The following FASN variants were observed in gnomAD, a reference collection of about 807,000 sequenced individuals.
FASN encodes the protein fatty acid synthase.
In FASN, 50 loss-of-function variants were observed where a neutral mutation model predicts 250.0. That is an observed-to-expected ratio of 0.20 (90% CI 0.16 to 0.25). FASN has a LOEUF of 0.25. Ranked by LOEUF, FASN falls within the 10% of genes least tolerant of loss-of-function variation. FASN has a pLI of 1.00. For synonymous variants in FASN, 1,909 were observed against 1,584.0 expected, an observed-to-expected ratio of 1.21 and a Z score of -4.87; for missense variants, 3,031 against 3,498.5, an observed-to-expected ratio of 0.87 and a Z score of 3.37.
intron 1 of FASN, chr17:82,096,707 T>C (rs970056260): frequency 1.3e-5 from 7 of 537,576 alleles, no homozygotes; most frequent in Non-Finnish European, 2.0e-5. Flanking sequence ...GGGTATTGGC[T>C]GGGGTACCCC....
intron 13 of FASN, 29 bp downstream of exon 13, chr17:82,089,221 C>A: frequency 6.2e-7 from 1 of 1,610,666 alleles, no homozygotes; most frequent in Non-Finnish European, 8.5e-7. Flanking sequence ...CCTGGCCCGC[C>A]CCGCACCCCC....
chr17:82,090,328 G>A, intron 11 of FASN, 47 bp downstream of exon 11: 3 of 1,534,692 alleles, frequency 2.0e-6, no homozygotes, highest in Non-Finnish European at 2.6e-6. Flanking sequence ...CAGCGAGAAG[G>A]CAGCCTCCTT....
Position 82,088,197 on chromosome 17 carries a change from C to T in FASN, c.2704G>A (p.Ala902Thr), listed in dbSNP as rs376556250. The change falls in exon 17 of 43, where the codon GCC becomes ACC. Residue 902 changes from alanine (A) to threonine (T), a missense_variant. By Grantham distance (58) the Ala-to-Thr change is moderately conservative. Coordinates refer to ENST00000306749, the MANE Select transcript of FASN (RefSeq NM_004104.5). Reference sequence around the variant, plus strand: ...AGCTGCTCGACGCCCAGGCCCAGGGCGCGGGCCAGCGTCTTCCACACTATG... The same window carrying T: ...AGCTGCTCGACGCCCAGGCCCAGGGTGCGGGCCAGCGTCTTCCACACTATG... Reference protein sequence around the residue: ...LSIVWKTLARALGLGVEQLPV... With the variant: ...LSIVWKTLARTLGLGVEQLPV... The T allele has an allele frequency of 8.7e-6, 14 of 1,612,084 alleles. No individual in the cohort carries two copies. The highest frequency in any genetic ancestry group is 5.5e-5 in the South Asian group (5 of 91,092).
rs184659321 is a variant in FASN at position 82,082,289 on chromosome 17, G to T, written c.6011+34C>A. 1.4e-4 allele frequency: 224 copies of T among 1,609,856 alleles called. No individual in the cohort carries two copies. The African/African-American group carries it at 2.8e-3, about 20-fold the overall frequency. On this transcript the variant is annotated intron_variant, in intron 35 of 42. Coordinates refer to ENST00000306749, the MANE Select transcript of FASN (RefSeq NM_004104.5). ...TCCCACGGCCCTGAGCCCAGAGCCCGGCAGAGGCGGGAGCAGGGCTGTGCG... is the reference window on the plus strand; with the variant it reads ...TCCCACGGCCCTGAGCCCAGAGCCCTGCAGAGGCGGGAGCAGGGCTGTGCG...
chr17:82,097,330 C>G (rs62078747), intron 1 of FASN: 75,998 of 152,474 alleles, frequency 0.5, 19,645 homozygotes, highest in Non-Finnish European at 0.55. Flanking sequence ...GCCGCCGGCT[C>G]CTCCTCCAGC....
At position 82,079,383 on chromosome 17, in the gene FASN, G is replaced by A. The variant is rs375749582; in HGVS notation, c.7372C>T (p.Leu2458=). The change falls in exon 42 of 43, where the codon CTG becomes TTG. Residue 2458 remains leucine, a synonymous_variant. Coordinates refer to ENST00000306749, the MANE Select transcript of FASN (RefSeq NM_004104.5). ...AKTGGAYGED[L]GADYNLSQVC... ...TGGGAGAGGTTGTAGTCCGCGCCCAGGTCCTCGCCGTAGGCGCCACCCGTC... is the reference window on the plus strand; with the variant it reads ...TGGGAGAGGTTGTAGTCCGCGCCCAAGTCCTCGCCGTAGGCGCCACCCGTC... 2.5e-6 allele frequency: 4 copies of A among 1,612,998 alleles called. No individual in the cohort carries two copies. The highest frequency in any genetic ancestry group is 3.4e-6 in the Non-Finnish European group (4 of 1,179,994).
At chr17:82,096,036 C>T (rs1413647892) in intron 2 of FASN, among the ~76,000 whole-genome samples, 13 of 152,236 alleles carry the variant, frequency 8.5e-5, no homozygotes, top group Admixed American at 8.5e-4. Context: ...CCTGGGCCAG[C>T]CCTCGGCCTT....
rs763325618 is a variant in FASN, at chr17:82,080,115, G to A, written c.7146+25C>T. 8.6e-5 allele frequency: 138 copies of A among 1,604,500 alleles called. No homozygotes were observed. In the Admixed American group the frequency reaches 1.9e-3, roughly 22 times the overall value. On this transcript the variant is annotated intron_variant, in intron 41 of 42. Transcript: ENST00000306749. ...TCCTGCCCAGTACTCTGGGTCCTGC[G>A]GCCTCAGGGGTGTCCAGGACCCACC...
chr17:82,088,152 C>A lies in FASN; in HGVS notation c.2749G>T (p.Val917Leu). The change falls in exon 17 of 43, where the codon GTG (valine) becomes TTG (leucine). Residue 917 changes from valine (V) to leucine (L), a missense_variant. By Grantham distance (32) the Val-to-Leu change is conservative. Coordinates refer to ENST00000306749, the MANE Select transcript of FASN (RefSeq NM_004104.5). ...VEQLPVVFED[V>L]VLHQATILPK... Reference sequence around the variant, plus strand: ...AGGATGGTGGCCTGGTGCAGCACCACATCCTCAAACACCACAGGCAGCTGC... The same window carrying A: ...AGGATGGTGGCCTGGTGCAGCACCAAATCCTCAAACACCACAGGCAGCTGC... The A allele has an allele frequency of 6.2e-7, 1 of 1,612,838 alleles. No homozygotes were observed. The highest frequency in any genetic ancestry group is 1.1e-5 in the South Asian group (1 of 91,090).
At chr17:82,092,642 T>A (rs924779224) in intron 7 of FASN, 53 bp from the exon 8 acceptor site, 12 of 1,335,278 alleles carry the variant, frequency 9.0e-6, no homozygotes, top group African/African-American at 1.7e-5. Flanking sequence ...TCTCCAGGCA[T>A]GGGCGTAGGT....
At chr17:82,082,788 C>A (rs1013405708) in intron 33 of FASN, 110 bp from the exon 34 acceptor site, 12 of 1,547,770 alleles carry the variant, frequency 7.8e-6, no homozygotes, top group African/African-American at 1.4e-5. Context: ...GCAAGCCCCC[C>A]ACAAGATGGA....
Position 82,079,047 on chromosome 17 carries a change from A to C in FASN, c.*96T>G, listed in dbSNP as rs1375518462. ...GTGGCACTGGGCCGGACAGGGTCCCACCGGCAGGACCCTTCAATCCCGTTG... is the reference window on the plus strand; with the variant it reads ...GTGGCACTGGGCCGGACAGGGTCCCCCCGGCAGGACCCTTCAATCCCGTTG... On this transcript the variant is annotated 3_prime_UTR_variant, in exon 43 of 43. Coordinates refer to ENST00000306749, the MANE Select transcript of FASN (RefSeq NM_004104.5). 6.7e-6 allele frequency: 9 copies of C among 1,348,044 alleles called. No homozygotes were observed. The highest frequency in any genetic ancestry group is 9.0e-6 in the Non-Finnish European group (9 of 996,068). The allele number at this position is 1,348,044 out of a possible 1,614,324, so 83.5% of individuals were successfully genotyped here.
rs529011951 is a variant in FASN at position 82,094,665 on chromosome 17, T to C, written c.280+655A>G. On this transcript the variant is annotated intron_variant, in intron 3 of 42. Coordinates refer to ENST00000306749, the MANE Select transcript of FASN (RefSeq NM_004104.5). ...TTAGCCGGGCGTGGTGGTGGGCGCC[T>C]GTAGTCCCGGCCACTCAGGAGACTG... 1.8e-4 allele frequency among the ~76,000 whole-genome samples: 28 copies of C among 151,408 alleles called. 1 individual carries two copies. The highest frequency in any genetic ancestry group is 6.1e-4 in the African/African-American group (25 of 41,242).
At chr17:82,079,769 C>T in intron 41 of FASN, 161 bp from the exon 42 acceptor site, 1 of 1,005,692 alleles carries the variant, frequency 9.9e-7, no homozygotes, top group South Asian at 1.7e-5. Context: ...CTCCACCTAC[C>T]CGGTTCAAGC....
rs367574087 is a variant in FASN, at chr17:82,089,620, C to A, written c.1965+12G>T. ...AGGGGACAGAGGAGCCCGCCCAGGC[C>A]GCAGCACCCACCTGAGGTCCCGAGA... On this transcript the variant is annotated intron_variant, in intron 12 of 42. Transcript: ENST00000306749. 3 of 1,588,528 alleles carry A rather than the reference C, an allele frequency of 1.9e-6. No individual in the cohort carries two copies. The highest frequency in any genetic ancestry group is 2.6e-6 in the Non-Finnish European group (3 of 1,168,240).
chr17:82,082,298 G>C, intron 35 of FASN, 25 bp downstream of exon 35: 1 of 1,611,002 alleles, frequency 6.2e-7, no homozygotes, highest in Non-Finnish European at 8.5e-7. Flanking sequence ...CGGCAGAGGC[G>C]GGAGCAGGGC....
Position 82,095,451 on chromosome 17 carries a change from C to T in FASN, c.149G>A (p.Arg50Gln), listed in dbSNP as rs1033185657. 9.3e-6 allele frequency: 15 copies of T among 1,612,642 alleles called. No homozygotes were observed. Among genetic ancestry groups the T allele is most frequent in the African/African-American group, 1.3e-5 (1 of 75,038 alleles). ...WKAGLYGLPR[R>Q]SGKLKDLSRF... is the part of the protein sequence containing the mutation. Reference sequence around the variant, plus strand: ...AGACAGGTCCTTCAGCTTGCCGGACCGCCGGGGCAGGCCGTAGAGCCCTGT... The same window carrying T: ...AGACAGGTCCTTCAGCTTGCCGGACTGCCGGGGCAGGCCGTAGAGCCCTGT... The change falls in exon 3 of 43, where the codon CGG (arginine) becomes CAG (glutamine). Residue 50 changes from arginine to glutamine, a missense_variant. By Grantham distance (43) the Arg-to-Gln change is conservative. Transcript: ENST00000306749.
In FASN at chr17:82,088,561, T is replaced by C. The variant is rs2144797187; in HGVS notation, c.2422A>G (p.Ile808Val). Reference protein sequence around the residue: ...AGIGRLHLSGIDANPNALFPP... With the variant: ...AGIGRLHLSGVDANPNALFPP... The stretch of plus-strand genomic sequence containing the variant: ...AACAAGGCATTGGGGTTGGCGTCGA[T>C]GCTACGGAGAAGGGAGGCATGGGTA... The change falls in exon 16 of 43, where the codon ATC (isoleucine) becomes GTC (valine). Residue 808 changes from isoleucine (I) to valine (V), a missense_variant and splice_region_variant. Physicochemically the swap from Ile to Val is conservative, Grantham distance 29. Coordinates refer to ENST00000306749, the MANE Select transcript of FASN (RefSeq NM_004104.5). 3 of 1,604,972 alleles carry C rather than the reference T, an allele frequency of 1.9e-6. No individual in the cohort carries two copies. Among genetic ancestry groups the C allele is most frequent in the East Asian group, 2.2e-5 (1 of 44,700 alleles).
At chr17:82,096,495 G>A (rs371467989) in intron 1 of FASN, 43 bp from the exon 2 acceptor site, 73 of 1,604,722 alleles carry the variant, frequency 4.5e-5, no homozygotes, top group African/African-American at 9.3e-5. Context: ...TCCCGGCCAC[G>A]ACACCCCCGT....
Sources: gnomAD v4.1 joint callset for allele counts (sites outside exome capture counted in the v4.1 genomes callset) on GRCh38, gnomAD v4.1.1 for gene constraint, MANE v1.5 for transcripts, NCBI Gene and HGNC (gene_info 2026-07-23, HGNC 2026-07-21) for gene names.